Variants in HIVEP3 observed in about 807,000 individuals in gnomAD.
HIVEP3 encodes the protein transcription factor HIVEP3.
HIVEP3 carries 49 observed loss-of-function variants against 152.8 expected under a neutral mutation model. The observed-to-expected ratio is 0.32, with a 90% CI of 0.26 to 0.41. The LOEUF (loss-of-function observed/expected upper bound fraction) is 0.41, where lower values mean the gene tolerates loss of function less well. Among genes scored for constraint, HIVEP3 ranks in the 10% least tolerant of loss-of-function variants. HIVEP3 has a pLI of 1.00. For missense variants in HIVEP3, 2,790 were observed against 3,103.3 expected (o/e 0.90, Z 2.40); for synonymous variants, 1,269 against 1,289.0 (o/e 0.98, Z 0.33).
intron 1 of HIVEP3, among the ~76,000 whole-genome samples, chr1:41,704,432 C>T (rs1646405418): frequency 6.6e-6 from 1 of 152,242 alleles, no homozygotes; most frequent in Non-Finnish European, 1.5e-5. Flanking sequence ...AGAGAATCAG[C>T]TTAGAGAATT....
chr1:41,766,572 A>G (rs191245193), intron 1 of HIVEP3, among the ~76,000 whole-genome samples: 5 of 152,302 alleles, frequency 3.3e-5, no homozygotes, highest in Admixed American at 6.5e-5. Flanking sequence ...ATGAGGAAAT[A>G]GAGAGACTGA....
chr1:41,777,811 A>C (rs537880590), intron 1 of HIVEP3, among the ~76,000 whole-genome samples: 6 of 152,352 alleles, frequency 3.9e-5, no homozygotes, highest in African/African-American at 1.4e-4. Flanking sequence ...TAATCCGCAC[A>C]GTAGTCCACC....
intron 1 of HIVEP3, among the ~76,000 whole-genome samples, chr1:41,785,922 G>C (rs1193151593): frequency 6.6e-6 from 1 of 152,206 alleles, no homozygotes; most frequent in Admixed American, 6.5e-5. Context: ...CTTCAACCCG[G>C]GAGGCAGGGA....
At chr1:41,756,335 G>A (rs1002971881) in intron 1 of HIVEP3, among the ~76,000 whole-genome samples, 3 of 152,118 alleles carry the variant, frequency 2.0e-5, no homozygotes, top group African/African-American at 7.2e-5. Flanking sequence ...TTCAGGTGAT[G>A]GAATAGTTCT....
At chr1:41,569,924 T>C (rs1644226993) in intron 5 of HIVEP3, among the ~76,000 whole-genome samples, 1 of 152,230 alleles carries the variant, frequency 6.6e-6, no homozygotes, top group Non-Finnish European at 1.5e-5. Flanking sequence ...TTTAAAATAA[T>C]TTCTTTAAGG....
Position 41,533,021 on chromosome 1 carries a change from G to C in HIVEP3, c.5208-8111C>G, listed in dbSNP as rs1268744400. Reference sequence around the variant, plus strand: ...GAACTGTGGCTTAGCCAAGAGGAGAGGGTTTAGAGGAGGAGGGGCCCATGG... The same window carrying C: ...GAACTGTGGCTTAGCCAAGAGGAGACGGTTTAGAGGAGGAGGGGCCCATGG... On this transcript the variant is annotated intron_variant, in intron 5 of 8. Coordinates refer to ENST00000372583, the MANE Select transcript of HIVEP3 (RefSeq NM_024503.5). This position sits in a 1 kb window ranked among gnomAD's most constrained non-coding sequence, Gnocchi z 4.3. Among the ~76,000 whole-genome samples, 1 of 152,174 alleles carries C rather than the reference G, an allele frequency of 6.6e-6. No individual in the cohort carries two copies. The highest frequency in any genetic ancestry group is 1.5e-5 in the Non-Finnish European group (1 of 68,026).
intron 1 of HIVEP3, among the ~76,000 whole-genome samples, chr1:41,954,854 G>A (rs1251893692): frequency 6.6e-6 from 1 of 152,166 alleles, no homozygotes; most frequent in African/African-American, 2.4e-5. Flanking sequence ...GTTGTGGTCA[G>A]GATTAAAGAT....
intron 5 of HIVEP3, among the ~76,000 whole-genome samples, chr1:41,564,116 C>T (rs1644125985): frequency 6.6e-6 from 1 of 152,128 alleles, no homozygotes; most frequent in South Asian, 2.1e-4. Context: ...TTGCTTGAAT[C>T]TAGGAGGTGG....
chr1:41,910,557 G>A (rs1233726367), intron 1 of HIVEP3, among the ~76,000 whole-genome samples: 1 of 151,816 alleles, frequency 6.6e-6, no homozygotes, highest in Non-Finnish European at 1.5e-5. Context: ...GATAAGAAGT[G>A]CAAATTACAG....
intron 3 of HIVEP3, among the ~76,000 whole-genome samples, chr1:41,619,055 C>T (rs1300505125): frequency 6.6e-6 from 1 of 152,056 alleles, no homozygotes; most frequent in African/African-American, 2.4e-5. Context: ...TTCGGCAGGA[C>T]AGCCCACTCC....
intron 1 of HIVEP3, among the ~76,000 whole-genome samples, chr1:41,916,842 G>T (rs1395854904): frequency 6.6e-6 from 1 of 152,116 alleles, no homozygotes; most frequent in Non-Finnish European, 1.5e-5. Flanking sequence ...TTCATTTTCT[G>T]CCTGGAATTG....
intron 1 of HIVEP3, among the ~76,000 whole-genome samples, chr1:41,797,116 G>A (rs765540120): frequency 3.3e-5 from 5 of 152,188 alleles, no homozygotes; most frequent in Non-Finnish European, 7.3e-5. Flanking sequence ...CCTCCTCAAG[G>A]TGTCTTTGCA....
At chr1:41,673,928 C>T (rs1430737517) in intron 2 of HIVEP3, among the ~76,000 whole-genome samples, 2 of 152,174 alleles carry the variant, frequency 1.3e-5, no homozygotes, top group Non-Finnish European at 1.5e-5. Context: ...CCACCCCAGC[C>T]CGTGCAGAAG....
At chr1:41,525,942 TG>T (rs1477606330) in intron 5 of HIVEP3, among the ~76,000 whole-genome samples, 23 of 152,064 alleles carry the variant, frequency 1.5e-4, no homozygotes, top group Admixed American at 1.2e-3. Flanking sequence ...GCACGGCACG[TG>T]GAGGAGGCGT....
In HIVEP3 at chr1:41,981,855, T is replaced by C. The variant is rs184797369; in HGVS notation, n.119+53952A>G. ...TCCACTGAATGTGTGGGCACTTCAG[T>C]CTCGTGGCAAGTTCAGGCCAAGGGG... On this transcript the variant is annotated intron_variant and non_coding_transcript_variant, in intron 1 of 3. Coordinates refer to the HIVEP3 transcript ENST00000489103. Among the ~76,000 whole-genome samples, 59 of 152,240 alleles carry C rather than the reference T, an allele frequency of 3.9e-4. 1 individual carries two copies. Among genetic ancestry groups the C allele is most frequent in the African/African-American group, 1.2e-3 (49 of 41,538 alleles).
At chr1:41,727,266 A>C (rs1646766448) in intron 1 of HIVEP3, among the ~76,000 whole-genome samples, 1 of 152,210 alleles carries the variant, frequency 6.6e-6, no homozygotes. Flanking sequence ...CAGAGAGGCT[A>C]AGCAGGGAAC....
chr1:41,912,097 G>C (rs1217242650), intron 1 of HIVEP3, among the ~76,000 whole-genome samples: 2 of 152,012 alleles, frequency 1.3e-5, no homozygotes, highest in Non-Finnish European at 2.9e-5. Context: ...TATTGTTTAG[G>C]GATACAAATG....
intron 2 of HIVEP3, among the ~76,000 whole-genome samples, chr1:41,637,207 C>T (rs185172962): frequency 6.6e-6 from 1 of 152,240 alleles, no homozygotes; most frequent in Non-Finnish European, 1.5e-5. Context: ...TAGGGATGAC[C>T]ACTGTAGCAC....
At chr1:41,965,075 C>G (rs1270646740) in intron 1 of HIVEP3, among the ~76,000 whole-genome samples, 1 of 152,200 alleles carries the variant, frequency 6.6e-6, no homozygotes, top group Non-Finnish European at 1.5e-5. Context: ...AGGCAGCCAT[C>G]TTTGCTGTTC....
Sources: gnomAD v4.1 joint callset for allele counts (sites outside exome capture counted in the v4.1 genomes callset) on GRCh38, gnomAD v4.1.1 for gene constraint, Gnocchi (gnomAD v3.1) non-coding constraint, MANE v1.5 for transcripts, NCBI Gene and HGNC (gene_info 2026-07-23, HGNC 2026-07-21) for gene names.